The following TXN2 variants were observed in gnomAD, a reference collection of about 807,000 sequenced individuals.
TXN2 encodes thioredoxin 2.
A neutral mutation model predicts 14.6 loss-of-function variants in TXN2; 12 were observed. The observed-to-expected ratio is 0.82, with a 90% CI of 0.53 to 1.33. The LOEUF (loss-of-function observed/expected upper bound fraction) is 1.33, where lower values mean the gene tolerates loss of function less well. Ranked by LOEUF, TXN2 falls within the 40% of genes most tolerant of loss-of-function variation. The pLI is 0.00. For synonymous variants in TXN2, 89 were observed against 81.0 expected (o/e 1.10, Z -0.53); for missense variants, 173 against 207.7 (o/e 0.83, Z 1.03).
At chr22:36,480,963 T>A in intron 1 of TXN2, 126 bp from the exon 2 acceptor site, 1 of 1,042,690 alleles carries the variant, frequency 9.6e-7, no homozygotes, top group Non-Finnish European at 1.3e-6. Flanking sequence ...GGAAATCATA[T>A]GTAAGATTTG....
At chr22:36,473,577 AGG>A (rs1933325958) in intron 3 of TXN2, among the ~76,000 whole-genome samples, 2 of 152,266 alleles carry the variant, frequency 1.3e-5, no homozygotes, top group South Asian at 4.1e-4. Flanking sequence ...GGAGGGAGAG[AGG>A]GAGGGGGTCA....
At chr22:36,470,781 T>A (rs114007786) in intron 3 of TXN2, among the ~76,000 whole-genome samples, 130 of 136,614 alleles carry the variant, frequency 9.5e-4, no homozygotes, top group Non-Finnish European at 1.4e-3. Context: ...ATAAAAATAT[T>A]AAAAAAAAAA....
chr22:36,471,623 C>G (rs533477835), intron 3 of TXN2, among the ~76,000 whole-genome samples: 7 of 152,310 alleles, frequency 4.6e-5, no homozygotes, highest in Admixed American at 3.3e-4. Flanking sequence ...TGGGCAGGAT[C>G]ATTTTAACGA....
chr22:36,480,678 T>A lies in TXN2; in HGVS notation c.160A>T (p.Thr54Ser). Residue 54 changes from threonine (T) to serine (S), a missense_variant, in exon 2 of 4, where the codon ACC becomes TCC. Coordinates refer to ENST00000216185, the MANE Select transcript of TXN2 (RefSeq NM_012473.4). ...VTPNPARTIY[T>S]TRISLTTFNI... Reference sequence around the variant, plus strand: ...AAGGTTGTCAAGGAGATCCTCGTGGTGTATATTGTCCGGGCTGGGTTGGGT... The same window carrying A: ...AAGGTTGTCAAGGAGATCCTCGTGGAGTATATTGTCCGGGCTGGGTTGGGT... 1 of 1,614,118 alleles carries A rather than the reference T, an allele frequency of 6.2e-7. No homozygotes were observed. Among genetic ancestry groups the A allele is most frequent in the Non-Finnish European group, 8.5e-7 (1 of 1,180,036 alleles).
At chr22:36,479,340 T>C (rs1041579799) in intron 2 of TXN2, among the ~76,000 whole-genome samples, 4 of 151,752 alleles carry the variant, frequency 2.6e-5, no homozygotes, top group Non-Finnish European at 4.4e-5. Flanking sequence ...TTTTCTTTTT[T>C]TTTTTTTTTG....
chr22:36,480,864 G>A lies in TXN2; in HGVS notation c.1-27C>T, dbSNP rs574865953. On this transcript the variant is annotated intron_variant, in intron 1 of 3. Transcript: ENST00000216185. ...TGTGAGGGAAAGAGGCAGAAGAACT[G>A]GGGCACACAAAAGGAAGTCGACACA... 15 of 1,526,124 alleles carry A rather than the reference G, an allele frequency of 9.8e-6. No individual in the cohort carries two copies. The South Asian group carries it at 1.8e-4, about 18-fold the overall frequency. 94.5% of individuals were successfully genotyped at this position (1,526,124 alleles called of 1,614,324 possible). A position where few individuals can be genotyped will look rare whatever the true frequency, so the allele number is the denominator to read the frequency against.
Position 36,474,585 on chromosome 22 carries a change from A to G in TXN2, c.387+2148T>C, listed in dbSNP as rs114743818. Among the ~76,000 whole-genome samples, 493 of 152,308 alleles carry G rather than the reference A, an allele frequency of 3.2e-3. 3 individuals are homozygous for G. The highest frequency in any genetic ancestry group is 0.011 in the African/African-American group (472 of 41,570). ...GAAGGCTCACTCCGGCCAGGTTAAG[A>G]TATTTCAAGAAAATCAGATATCGAG... On this transcript the variant is annotated intron_variant, in intron 3 of 3. Transcript: ENST00000216185.
intron 1 of TXN2, 125 bp from the exon 2 acceptor site, chr22:36,480,962 A>G (rs2145828973): frequency 9.2e-7 from 1 of 1,085,762 alleles, no homozygotes; most frequent in East Asian, 2.8e-5. Context: ...AGGAAATCAT[A>G]TGTAAGATTT....
chr22:36,476,159 G>T (rs1933380855), intron 3 of TXN2, among the ~76,000 whole-genome samples: 1 of 152,156 alleles, frequency 6.6e-6, no homozygotes, highest in Admixed American at 6.6e-5. Flanking sequence ...ATGGATAAAG[G>T]AATGTACCAA....
At chr22:36,479,174 C>G (rs1933447063) in intron 2 of TXN2, among the ~76,000 whole-genome samples, 1 of 151,998 alleles carries the variant, frequency 6.6e-6, no homozygotes, top group African/African-American at 2.4e-5. Context: ...CACTGAAAAA[C>G]CCAGTGTGCA....
chr22:36,474,458 T>C (rs574999629), intron 3 of TXN2, among the ~76,000 whole-genome samples: 2 of 152,126 alleles, frequency 1.3e-5, no homozygotes, highest in Non-Finnish European at 2.9e-5. Flanking sequence ...GTGCCTCTAT[T>C]TGAGCTGGTC....
chr22:36,480,556 G>C lies in TXN2; in HGVS notation c.263+19C>G. 1.2e-6 allele frequency: 2 copies of C among 1,608,780 alleles called. No individual in the cohort carries two copies. Among genetic ancestry groups the C allele is most frequent in the Non-Finnish European group, 8.5e-7 (1 of 1,177,238 alleles). On this transcript the variant is annotated intron_variant, in intron 2 of 3. Coordinates refer to ENST00000216185, the MANE Select transcript of TXN2 (RefSeq NM_012473.4). ...TGAACAAGTAGGACCCTAGTCTTCT[G>C]TGGACCCCCAATACTCACTGTGCGT... is the stretch of plus-strand genomic sequence containing the variant.
At chr22:36,469,395 G>C (rs1297472648) in intron 3 of TXN2, among the ~76,000 whole-genome samples, 1 of 132,224 alleles carries the variant, frequency 7.6e-6, no homozygotes, top group Non-Finnish European at 1.8e-5. Context: ...TGTGATGAGT[G>C]ACAGGGTCCA....
intron 3 of TXN2, among the ~76,000 whole-genome samples, chr22:36,472,334 T>G (rs889463852): frequency 6.6e-6 from 1 of 151,866 alleles, no homozygotes; most frequent in Non-Finnish European, 1.5e-5. Flanking sequence ...GGCAGTGAAA[T>G]GACTCTGGAT....
intron 3 of TXN2, among the ~76,000 whole-genome samples, chr22:36,473,997 C>G (rs1488344768): frequency 6.6e-6 from 1 of 152,190 alleles, no homozygotes; most frequent in African/African-American, 2.4e-5. Context: ...TTGGCTGAAG[C>G]TGAAGCTGTA....
At chr22:36,478,130 CT>C (rs1933425250) in intron 2 of TXN2, among the ~76,000 whole-genome samples, 1 of 101,586 alleles carries the variant, frequency 9.8e-6, no homozygotes, top group African/African-American at 4.2e-5. Flanking sequence ...GAGACTCTGT[CT>C]CAAAAAAAAA....
intron 3 of TXN2, among the ~76,000 whole-genome samples, chr22:36,474,279 AC>A (rs1421198505): frequency 6.6e-6 from 1 of 151,938 alleles, no homozygotes; most frequent in Non-Finnish European, 1.5e-5. Context: ...TGTAGTGGCC[AC>A]CGTGTTTGTC....
rs375913448 is a variant in TXN2, at chr22:36,479,925, C to T, written c.263+650G>A. On this transcript the variant is annotated intron_variant, in intron 2 of 3. Transcript: ENST00000216185. ...GAGATGGAATTTCACTCTTTTTGCC[C>T]AGGCTGGAGTGTAATGGCGCGATCT... Among the ~76,000 whole-genome samples, 13 of 151,312 alleles carry T rather than the reference C, an allele frequency of 8.6e-5. No homozygotes were observed. In the East Asian group the frequency reaches 1.4e-3, roughly 16 times the overall value.
At chr22:36,472,102 A>G (rs554683136) in intron 3 of TXN2, among the ~76,000 whole-genome samples, 2 of 152,226 alleles carry the variant, frequency 1.3e-5, no homozygotes, top group Non-Finnish European at 2.9e-5. Context: ...AGCAGGGGGA[A>G]GAACGTGGGG....
Sources: gnomAD v4.1 joint callset for allele counts (sites outside exome capture counted in the v4.1 genomes callset) on GRCh38, gnomAD v4.1.1 for gene constraint, MANE v1.5 for transcripts, NCBI Gene and HGNC (gene_info 2026-07-23, HGNC 2026-07-21) for gene names.